The following IDNK variants were observed in gnomAD, a reference collection of about 807,000 sequenced individuals.
IDNK encodes IDNK gluconokinase.
Under a neutral mutation model 13.0 loss-of-function variants are expected in IDNK, and 9 were observed. That is an observed-to-expected ratio of 0.69 (90% CI 0.42 to 1.21). IDNK has a LOEUF of 1.21. Among genes scored for constraint, IDNK ranks in the 50% most tolerant of loss-of-function variants. The pLI, the probability that IDNK is intolerant of heterozygous loss-of-function variation, is 0.00. For missense variants in IDNK, 210 were observed against 237.8 expected (o/e 0.88, Z 0.77); for synonymous variants, 92 against 94.9 (o/e 0.97, Z 0.18).
At chr9:83,642,816 G>T (rs953711373) in intron 4 of IDNK, among the ~76,000 whole-genome samples, 2 of 152,126 alleles carry the variant, frequency 1.3e-5, no homozygotes, top group Admixed American at 6.5e-5. Flanking sequence ...TTTCTGGCTG[G>T]AGTTTTTTCC....
At chr9:83,632,327 A>G (rs1193271222) in intron 3 of IDNK, among the ~76,000 whole-genome samples, 3 of 152,090 alleles carry the variant, frequency 2.0e-5, no homozygotes, top group African/African-American at 7.2e-5. Flanking sequence ...TAGGCCAAGA[A>G]AGCTTTCTCT....
intron 3 of IDNK, among the ~76,000 whole-genome samples, chr9:83,640,188 C>CA (rs1831265838): frequency 6.6e-6 from 1 of 152,050 alleles, no homozygotes; most frequent in African/African-American, 2.4e-5. Flanking sequence ...GATCTCCCCT[C>CA]AAAAAAGGCC....
chr9:83,624,555 G>A (rs1830793729), intron 1 of IDNK, among the ~76,000 whole-genome samples: 1 of 152,158 alleles, frequency 6.6e-6, no homozygotes, highest in Non-Finnish European at 1.5e-5. Context: ...AAGAGTGCCA[G>A]GCAGAGTGGT....
intron 4 of IDNK, among the ~76,000 whole-genome samples, chr9:83,641,804 G>T (rs892067330): frequency 2.0e-5 from 3 of 152,214 alleles, no homozygotes; most frequent in African/African-American, 7.2e-5. Flanking sequence ...AAACCTTCTA[G>T]ACAGCTCCAC....
chr9:83,631,451 GAAAAAA>G (rs57832482), intron 3 of IDNK, among the ~76,000 whole-genome samples: 739 of 56,960 alleles, frequency 0.013, 32 homozygotes, highest in East Asian at 0.13. Flanking sequence ...TACAAAAACT[GAAAAAA>G]AAAAAAAAAA....
In IDNK at chr9:83,643,715, A is replaced by AT. The variant is rs1229720877; in HGVS notation, c.500dup (p.Ser168LysfsTer33). On this transcript the variant is annotated frameshift_variant, in exon 5 of 5. Transcript: ENST00000376419. LOFTEE classifies it low-confidence loss of function (END_TRUNC). ...AGCAGCTCCAGAAAACTTTATCCAA[A>AT]TAAGTGTGGACAAAAATGTTTCAGA... 3.7e-6 allele frequency: 6 copies of AT among 1,613,960 alleles called. No homozygotes were observed. In the East Asian group the frequency reaches 1.3e-4, roughly 36 times the overall value.
chr9:83,638,302 A>G (rs1831215592), intron 3 of IDNK, among the ~76,000 whole-genome samples: 1 of 152,208 alleles, frequency 6.6e-6, no homozygotes, highest in Non-Finnish European at 1.5e-5. Context: ...ATTAGAAATA[A>G]AACAATCAAT....
At chr9:83,636,744 A>G (rs529389352) in intron 3 of IDNK, among the ~76,000 whole-genome samples, 1 of 152,374 alleles carries the variant, frequency 6.6e-6, no homozygotes, top group East Asian at 1.9e-4. Context: ...AGAAATTTCA[A>G]AAACCTTTCT....
chr9:83,626,735 A>AT (rs769099060), intron 1 of IDNK: 67 of 1,243,332 alleles, frequency 5.4e-5, no homozygotes, highest in Non-Finnish European at 5.9e-5. Context: ...CTTAAGTGTG[A>AT]TTTCTGCTAT....
intron 2 of IDNK, 148 bp downstream of exon 2, chr9:83,628,359 C>T: frequency 1.4e-6 from 1 of 730,310 alleles, no homozygotes; most frequent in Non-Finnish European, 2.4e-6. Context: ...TTGGTGATTA[C>T]AAATAGTGAT....
chr9:83,643,540 G>T lies in IDNK; in HGVS notation c.324G>T (p.Ser108=). The T allele has an allele frequency of 1.2e-6, 2 of 1,613,796 alleles. No individual in the cohort carries two copies. The highest frequency in any genetic ancestry group is 1.7e-6 in the Non-Finnish European group (2 of 1,179,932). Residue 108 remains serine, a synonymous_variant, in exon 5 of 5, where the codon TCG becomes TCT. Transcript: ENST00000376419. ...GTGTAGCTCTGAAGTGTGAGGAGTC[G>T]GGAAAGGAAGCAAAGCAGGCTGAGA... is the stretch of plus-strand genomic sequence containing the variant. ...KDGVALKCEE[S]GKEAKQAEMQ... is the part of the protein sequence containing the mutation.
rs1440926590 is a variant in IDNK at position 83,641,562 on chromosome 9, G to A, written c.183G>A (p.Trp61Ter). Residue 61 changes from tryptophan to a stop codon, truncating the protein, a stop_gained, in exon 4 of 5, where the codon TGG becomes TGA. Transcript: ENST00000376419. LOFTEE classifies it low-confidence loss of function (END_TRUNC). ...IPLNDQDRIP[W>*]LCNLHDILLR... is the part of the protein sequence containing the mutation. ...GTTTTTTTCAGGACCGGATTCCATG[G>A]CTCTGTAACTTGCATGACATTTTAC... 10 of 1,614,048 alleles carry A rather than the reference G, an allele frequency of 6.2e-6. No individual in the cohort carries two copies. Among genetic ancestry groups the A allele is most frequent in the Non-Finnish European group, 8.5e-6 (10 of 1,180,034 alleles).
At chr9:83,633,768 C>CCA (rs1831091366) in intron 3 of IDNK, among the ~76,000 whole-genome samples, 1 of 152,200 alleles carries the variant, frequency 6.6e-6, no homozygotes, top group South Asian at 2.1e-4. Flanking sequence ...TTGAGCAAAG[C>CCA]CACACAGCAA....
chr9:83,639,212 A>C (rs1831238223), intron 3 of IDNK, among the ~76,000 whole-genome samples: 1 of 152,220 alleles, frequency 6.6e-6, no homozygotes, highest in Non-Finnish European at 1.5e-5. Flanking sequence ...TCATATAAAT[A>C]ATTTATGTTA....
At chr9:83,629,320 G>A (rs979611925) in intron 3 of IDNK, among the ~76,000 whole-genome samples, 67 of 152,098 alleles carry the variant, frequency 4.4e-4, no homozygotes, top group African/African-American at 1.5e-3. Context: ...CACTATCACC[G>A]TACTCTAGCA....
At chr9:83,637,572 GA>G (rs1197668674) in intron 3 of IDNK, among the ~76,000 whole-genome samples, 1 of 152,182 alleles carries the variant, frequency 6.6e-6, no homozygotes, top group Non-Finnish European at 1.5e-5. Context: ...AAGATCAAAG[GA>G]AAATAAAAAT....
At chr9:83,627,659 C>T (rs572279119) in intron 1 of IDNK, among the ~76,000 whole-genome samples, 2 of 152,130 alleles carry the variant, frequency 1.3e-5, no homozygotes, top group South Asian at 2.1e-4. Context: ...TAACAAGTGC[C>T]GGTGATTCAT....
At chr9:83,632,184 C>T (rs1248128736) in intron 3 of IDNK, among the ~76,000 whole-genome samples, 1 of 152,052 alleles carries the variant, frequency 6.6e-6, no homozygotes, top group East Asian at 1.9e-4. Context: ...TCAGGTAAAA[C>T]ACACCCATCT....
chr9:83,628,000 G>C, intron 1 of IDNK, 181 bp from the exon 2 acceptor site: 1 of 1,382,118 alleles, frequency 7.2e-7, no homozygotes, highest in Non-Finnish European at 9.4e-7. Context: ...ACATTCGTGG[G>C]GATCAGCTAA....
Sources: allele counts gnomAD v4.1 joint callset (sites outside exome capture counted in the v4.1 genomes callset), GRCh38; gene constraint gnomAD v4.1.1; transcripts MANE v1.5; gene names NCBI Gene and HGNC (gene_info 2026-07-23, HGNC 2026-07-21).